Variants in TMEM178B observed in about 807,000 individuals in gnomAD.
The protein encoded by TMEM178B is transmembrane protein 178B.
In TMEM178B, 5 loss-of-function variants were observed where a neutral mutation model predicts 31.0. The ratio of observed to expected loss-of-function variants is 0.16; its 90% CI spans 0.08 to 0.34. The LOEUF (loss-of-function observed/expected upper bound fraction) is 0.34. TMEM178B is among the 10% of genes least tolerant of loss of function. The pLI, the probability that TMEM178B is intolerant of heterozygous loss-of-function variation, is 1.00. For missense variants in TMEM178B, 275 were observed against 400.3 expected, an observed-to-expected ratio of 0.69 and a Z score of 2.67; for synonymous variants, 164 against 164.0, an observed-to-expected ratio of 1.00 and a Z score of 0.00.
Position 141,478,607 on chromosome 7 carries a change from C to T in TMEM178B, c.*7821C>T, listed in dbSNP as rs1802415971. The T allele has an allele frequency of 6.6e-6, 1 of 152,224 alleles. No individual in the cohort carries two copies. 9.4% of individuals were successfully genotyped at this position (152,224 alleles called of 1,614,324 possible). ...ATCAGTGAAATTAATTTTTAGACTA[C>T]ATTTTAACCTAACATGTCAAAAATA... is the stretch of plus-strand genomic sequence containing the variant. On this transcript the variant is annotated 3_prime_UTR_variant, in exon 4 of 4. Transcript: ENST00000565468.
At chr7:141,482,417 C>T (rs1200548494), downstream of TMEM178B, among the ~76,000 whole-genome samples, 8 of 152,214 alleles carry the variant, frequency 5.3e-5, no homozygotes. Context: ...TCCTTGGGAT[C>T]CTCGCAGGCA....
rs1417271927 is a variant in TMEM178B, at chr7:141,461,954, C to T, written c.635-8582C>T. 6.6e-6 allele frequency among the ~76,000 whole-genome samples: 1 copy of T among 152,150 alleles called. No homozygotes were observed. Among genetic ancestry groups the T allele is most frequent in the Non-Finnish European group, 1.5e-5 (1 of 68,034 alleles). On this transcript the variant is annotated intron_variant, in intron 3 of 3. Transcript: ENST00000565468. The surrounding 1 kb of genome is among the most constrained non-coding windows in gnomAD (Gnocchi z 4.0). ...AGGGTGGCAAAAATTAGCTGCTCCC[C>T]AACAGTGCTATCCCTACCTGGCACT...
intron 1 of TMEM178B, among the ~76,000 whole-genome samples, chr7:141,085,290 C>A (rs747315849): frequency 2.6e-5 from 4 of 151,494 alleles, no homozygotes; most frequent in African/African-American, 4.9e-5. Context: ...AGCCACCATG[C>A]CTGGCCTATT....
intron 1 of TMEM178B, among the ~76,000 whole-genome samples, chr7:141,207,859 C>G (rs1796990766): frequency 6.6e-6 from 1 of 152,064 alleles, no homozygotes; most frequent in Admixed American, 6.5e-5. Flanking sequence ...GAATCTGAGA[C>G]CAGCCTGAGC....
chr7:141,339,146 T>C (rs2081546410), intron 2 of TMEM178B, among the ~76,000 whole-genome samples: 1 of 152,206 alleles, frequency 6.6e-6, no homozygotes, highest in African/African-American at 2.4e-5. Flanking sequence ...TTGCGATGGC[T>C]ATAGCGAAGT....
chr7:141,190,670 G>C (rs1007308832), intron 1 of TMEM178B, among the ~76,000 whole-genome samples: 4 of 152,144 alleles, frequency 2.6e-5, no homozygotes, highest in African/African-American at 9.7e-5. Context: ...ATGGGCACTT[G>C]ACATATGGTT....
chr7:141,370,756 G>A (rs1231790824), intron 2 of TMEM178B, among the ~76,000 whole-genome samples: 5 of 152,188 alleles, frequency 3.3e-5, no homozygotes, highest in African/African-American at 4.8e-5. Context: ...TGCTCCTAAG[G>A]ATTAGAAGAA....
chr7:141,196,288 C>T (rs1586820286), intron 1 of TMEM178B, among the ~76,000 whole-genome samples: 1 of 151,962 alleles, frequency 6.6e-6, no homozygotes, highest in East Asian at 1.9e-4. Flanking sequence ...CTCTTTTTTG[C>T]AAGCAATGCT....
At chr7:141,237,851 C>T (rs1797553995) in intron 2 of TMEM178B, among the ~76,000 whole-genome samples, 1 of 151,854 alleles carries the variant, frequency 6.6e-6, no homozygotes, top group South Asian at 2.1e-4. Context: ...TGGCGAAACC[C>T]CGTCTCTACC....
chr7:141,442,114 T>G (rs1041515690), intron 3 of TMEM178B, among the ~76,000 whole-genome samples: 5 of 152,232 alleles, frequency 3.3e-5, no homozygotes, highest in Admixed American at 2.0e-4. Flanking sequence ...GTGACTGCTA[T>G]GAGTTCCTGT....
intron 1 of TMEM178B, among the ~76,000 whole-genome samples, chr7:141,197,207 C>T (rs1320543400): frequency 6.6e-6 from 1 of 152,184 alleles, no homozygotes; most frequent in Non-Finnish European, 1.5e-5. Flanking sequence ...ATTGAATTCT[C>T]ACAATATCCC....
At chr7:141,227,740 G>A (rs1797369920) in intron 2 of TMEM178B, among the ~76,000 whole-genome samples, 1 of 152,180 alleles carries the variant, frequency 6.6e-6, no homozygotes, top group Non-Finnish European at 1.5e-5. Flanking sequence ...GCAAAATAGG[G>A]AGGTGAGGTC....
Position 141,478,445 on chromosome 7 carries a change from C to T in TMEM178B, c.*7659C>T, listed in dbSNP as rs1349937679. 6.6e-6 allele frequency: 1 copy of T among 152,184 alleles called. No homozygotes were observed. Among genetic ancestry groups the T allele is most frequent in the Non-Finnish European group, 1.5e-5 (1 of 68,052 alleles). The allele number at this position is 152,184 out of a possible 1,614,324, so 9.4% of individuals were successfully genotyped here. A position where few individuals can be genotyped will look rare whatever the true frequency, so the allele number is the denominator to read the frequency against. On this transcript the variant is annotated 3_prime_UTR_variant, in exon 4 of 4. Coordinates refer to ENST00000565468, the MANE Select transcript of TMEM178B (RefSeq NM_001195278.2). ...TCAATCCCAACTTTCCTCTCCTCTG[C>T]TGGGTCACAGTGATGGAACCAGCTT...
chr7:141,319,551 T>G (rs900530873), intron 2 of TMEM178B, among the ~76,000 whole-genome samples: 1 of 151,976 alleles, frequency 6.6e-6, no homozygotes, highest in African/African-American at 2.4e-5. Context: ...ATTCTTTACT[T>G]TCTTTCTTTC....
intron 1 of TMEM178B, among the ~76,000 whole-genome samples, chr7:141,154,540 A>T (rs1005615272): frequency 6.6e-6 from 1 of 152,152 alleles, no homozygotes. Context: ...CTTTGTCAGA[A>T]TCTTGCTTTT....
intron 2 of TMEM178B, among the ~76,000 whole-genome samples, chr7:141,245,548 G>A (rs2129194385): frequency 6.6e-6 from 1 of 152,312 alleles, no homozygotes; most frequent in Non-Finnish European, 1.5e-5. Context: ...AGCAAGAAGA[G>A]AAATCACCGA....
intron 1 of TMEM178B, among the ~76,000 whole-genome samples, chr7:141,201,018 G>A (rs1413886541): frequency 6.6e-6 from 1 of 151,948 alleles, no homozygotes; most frequent in Non-Finnish European, 1.5e-5. Flanking sequence ...TTTTTTTCAG[G>A]GGCTGGAACA....
At chr7:141,365,798 G>A (rs1799994265) in intron 2 of TMEM178B, among the ~76,000 whole-genome samples, 1 of 152,112 alleles carries the variant, frequency 6.6e-6, no homozygotes, top group African/African-American at 2.4e-5. Flanking sequence ...GTATGACCTC[G>A]TCTTACCTGA....
intron 1 of TMEM178B, among the ~76,000 whole-genome samples, chr7:141,079,775 A>G (rs181783082): frequency 7.2e-5 from 11 of 152,276 alleles, no homozygotes; most frequent in Non-Finnish European, 1.3e-4. Flanking sequence ...TAAAAGTTTT[A>G]TATGTATTAG....
Sources: allele counts gnomAD v4.1 joint callset (sites outside exome capture counted in the v4.1 genomes callset), GRCh38; gene constraint gnomAD v4.1.1; non-coding constraint Gnocchi (gnomAD v3.1); transcripts MANE v1.5; gene names NCBI Gene and HGNC (gene_info 2026-07-23, HGNC 2026-07-21).